Variants in MAGOH observed in about 807,000 individuals in gnomAD.
MAGOH encodes the protein mago homolog, exon junction complex subunit.
Under a neutral mutation model 20.9 loss-of-function variants are expected in MAGOH, and 3 were observed. The observed-to-expected ratio is 0.14, with a 90% confidence interval of 0.07 to 0.37. The LOEUF is 0.37. Ranked by LOEUF, MAGOH falls within the 10% of genes least tolerant of loss-of-function variation. MAGOH has a pLI of 1.00. For missense variants in MAGOH, 66 were observed against 178.1 expected, an observed-to-expected ratio of 0.37 and a Z score of 3.58; for synonymous variants, 51 against 61.0, an observed-to-expected ratio of 0.84 and a Z score of 0.76.
chr1:53,234,280 G>C (rs1258780769), intron 2 of MAGOH, among the ~76,000 whole-genome samples: 1 of 151,900 alleles, frequency 6.6e-6, no homozygotes. Flanking sequence ...CCAAAATTGT[G>C]AGAAATATAT....
chr1:53,227,034 C>CAAA lies in MAGOH; in HGVS notation c.*10_*11insTTT. 8 of 1,380,164 alleles carry CAAA rather than the reference C, an allele frequency of 5.8e-6. No individual in the cohort carries two copies. The highest frequency in any genetic ancestry group is 7.0e-6 in the Non-Finnish European group (7 of 996,912). 85.5% of individuals were successfully genotyped at this position (1,380,164 alleles called of 1,614,324 possible). On this transcript the variant is annotated 3_prime_UTR_variant, in exon 5 of 5. Coordinates refer to ENST00000371470, the MANE Select transcript of MAGOH (RefSeq NM_002370.4). ...TCCCACCCACCCCCCATGTCCACAC[C>CAAA]AATATTCAGTCTAGATTGGTTTAAT...
intron 1 of MAGOH, among the ~76,000 whole-genome samples, chr1:53,235,985 A>C (rs1194957812): frequency 1.3e-5 from 2 of 152,242 alleles, no homozygotes; most frequent in Non-Finnish European, 2.9e-5. Flanking sequence ...GGACCTCCTG[A>C]GGCTCAAATG....
intron 2 of MAGOH, 111 bp downstream of exon 2, chr1:53,235,466 C>G (rs563609857): frequency 3.3e-5 from 29 of 882,792 alleles, no homozygotes; most frequent in South Asian, 3.2e-4. Flanking sequence ...AGACATGTGT[C>G]TCTCTCCCTG....
At chr1:53,232,869 G>C (rs1645592921) in intron 3 of MAGOH, among the ~76,000 whole-genome samples, 1 of 152,210 alleles carries the variant, frequency 6.6e-6, no homozygotes, top group Non-Finnish European at 1.5e-5. Context: ...GGGAGGGTAA[G>C]GCAGGCGGAT....
rs576560771 is a variant in MAGOH at position 53,232,890 on chromosome 1, C to G, written c.258+652G>C. 3.3e-5 allele frequency among the ~76,000 whole-genome samples: 5 copies of G among 152,340 alleles called. No homozygotes were observed. The South Asian group carries it at 1.0e-3, about 32-fold the overall frequency. ...GTAAGGCAGGCGGATCACCTGAGGT[C>G]AGGAGTTTGAGACTAGCCTGGCCAA... On this transcript the variant is annotated intron_variant, in intron 3 of 4. Coordinates refer to ENST00000371470, the MANE Select transcript of MAGOH (RefSeq NM_002370.4).
At position 53,233,655 on chromosome 1, in the gene MAGOH, G is replaced by T; in HGVS notation, c.148-3C>A. The T allele has an allele frequency of 6.3e-7, 1 of 1,591,596 alleles. No homozygotes were observed. The highest frequency in any genetic ancestry group is 1.1e-5 in the South Asian group (1 of 90,242). Reference sequence around the variant, plus strand: ...ATCACGCTTTTATGTACATAAGCCTGAACGCAAGTTAAAAAACAAAATGTA... The same window carrying T: ...ATCACGCTTTTATGTACATAAGCCTTAACGCAAGTTAAAAAACAAAATGTA... On this transcript the variant is annotated splice_region_variant and splice_polypyrimidine_tract_variant and intron_variant, in intron 2 of 4. Coordinates refer to ENST00000371470, the MANE Select transcript of MAGOH (RefSeq NM_002370.4).
chr1:53,233,403 T>C, intron 3 of MAGOH, 139 bp downstream of exon 3: 1 of 580,932 alleles, frequency 1.7e-6, no homozygotes, highest in Non-Finnish European at 3.1e-6. Flanking sequence ...TTATGTTCTA[T>C]TTCTCTTTGT....
Position 53,235,586 on chromosome 1 carries a change from G to C in MAGOH, c.138C>G (p.Ile46Met). The change falls in exon 2 of 5, where the codon ATC (isoleucine) becomes ATG (methionine). Residue 46 changes from isoleucine to methionine, a missense_variant. Transcript: ENST00000371470. ...GGCAGAAGGCTCATACCTCTTTTCT[G>C]ATCATGACATCATTCTTGTAATTGC... ...NNSNYKNDVM[I>M]RKEAYVHKSV... 1 of 1,613,894 alleles carries C rather than the reference G, an allele frequency of 6.2e-7. No homozygotes were observed. The highest frequency in any genetic ancestry group is 8.5e-7 in the Non-Finnish European group (1 of 1,179,860).
Position 53,227,034 on chromosome 1 carries a change from C to T in MAGOH, c.*11G>A. The stretch of plus-strand genomic sequence containing the variant: ...TCCCACCCACCCCCCATGTCCACAC[C>T]AATATTCAGTCTAGATTGGTTTAAT... On this transcript the variant is annotated 3_prime_UTR_variant, in exon 5 of 5. Coordinates refer to ENST00000371470, the MANE Select transcript of MAGOH (RefSeq NM_002370.4). 2 of 1,380,216 alleles carry T rather than the reference C, an allele frequency of 1.4e-6. No homozygotes were observed. The highest frequency in any genetic ancestry group is 2.0e-6 in the Non-Finnish European group (2 of 996,962). 85.5% of individuals were successfully genotyped at this position (1,380,216 alleles called of 1,614,324 possible). A position where few individuals can be genotyped will look rare whatever the true frequency, so the allele number is the denominator to read the frequency against.
At chr1:53,230,189 T>A (rs1645579298) in intron 3 of MAGOH, among the ~76,000 whole-genome samples, 1 of 152,246 alleles carries the variant, frequency 6.6e-6, no homozygotes, top group Non-Finnish European at 1.5e-5. Flanking sequence ...TGAGGCCTAT[T>A]TACTTTTTCT....
At chr1:53,233,346 C>A in intron 3 of MAGOH, 196 bp downstream of exon 3, 1 of 474,518 alleles carries the variant, frequency 2.1e-6, no homozygotes, top group South Asian at 3.4e-5. Flanking sequence ...TAAATACATA[C>A]ACTGAATTAT....
chr1:53,228,846 T>C (rs1572395465), intron 4 of MAGOH, 26 bp downstream of exon 4: 2 of 1,528,382 alleles, frequency 1.3e-6, no homozygotes, highest in Non-Finnish European at 1.8e-6. Flanking sequence ...CAGACACAAC[T>C]GGATATAAGG....
intron 1 of MAGOH, among the ~76,000 whole-genome samples, chr1:53,237,610 G>A (rs868010337): frequency 1.4e-5 from 2 of 141,202 alleles, no homozygotes; most frequent in African/African-American, 5.3e-5. Flanking sequence ...GGAGGCGGAG[G>A]TTGCAATAAG....
At chr1:53,227,374 A>G (rs1400185230) in intron 4 of MAGOH, among the ~76,000 whole-genome samples, 1 of 152,228 alleles carries the variant, frequency 6.6e-6, no homozygotes, top group Non-Finnish European at 1.5e-5. Context: ...GTATTAATGC[A>G]TAGAATAAAT....
At chr1:53,237,273 A>G (rs1231742771) in intron 1 of MAGOH, among the ~76,000 whole-genome samples, 1 of 151,590 alleles carries the variant, frequency 6.6e-6, no homozygotes, top group East Asian at 2.0e-4. Context: ...TGTCTTGACA[A>G]CTGCAACAGT....
At position 53,227,000 on chromosome 1, in the gene MAGOH, A is replaced by G; in HGVS notation, c.*45T>C. The G allele has an allele frequency of 9.7e-7, 1 of 1,034,892 alleles. No individual in the cohort carries two copies. Among genetic ancestry groups the G allele is most frequent in the Non-Finnish European group, 1.4e-6 (1 of 693,732 alleles). The allele number at this position is 1,034,892 out of a possible 1,614,324, so 64.1% of individuals were successfully genotyped here. On this transcript the variant is annotated 3_prime_UTR_variant, in exon 5 of 5. Transcript: ENST00000371470. ...AAAATACTGCCCTGATATACACAAA[A>G]TTTTCTACTCCCACCCACCCCCCAT... is the stretch of plus-strand genomic sequence containing the variant.
intron 3 of MAGOH, chr1:53,233,126 A>G (rs2100305762): frequency 6.5e-6 from 1 of 154,590 alleles, no homozygotes; most frequent in East Asian, 1.9e-4. Context: ...AATAAATCAC[A>G]CTGGCTTTCA....
intron 4 of MAGOH, 41 bp from the exon 5 acceptor site, chr1:53,227,185 G>C: frequency 8.8e-7 from 1 of 1,135,272 alleles, no homozygotes; most frequent in Non-Finnish European, 1.3e-6. Context: ...TTAAAACTTT[G>C]ACCCATCAAG....
Position 53,227,155 on chromosome 1 carries a change from A to G in MAGOH, c.342-11T>C, listed in dbSNP as rs1374567898. ...AAGCCTTCTGGATCCCTAAAATACA[A>G]AAGGAAAAAAGTTTAGGCATTAAAA... On this transcript the variant is annotated splice_polypyrimidine_tract_variant and intron_variant, in intron 4 of 4. Transcript: ENST00000371470. 6.5e-7 allele frequency: 1 copy of G among 1,527,362 alleles called. No homozygotes were observed. Among genetic ancestry groups the G allele is most frequent in the Non-Finnish European group, 8.9e-7 (1 of 1,123,690 alleles). The allele number at this position is 1,527,362 out of a possible 1,614,324, so 94.6% of individuals were successfully genotyped here.
Sources: allele counts gnomAD v4.1 joint callset (sites outside exome capture counted in the v4.1 genomes callset), GRCh38; gene constraint gnomAD v4.1.1; transcripts MANE v1.5; gene names NCBI Gene and HGNC (gene_info 2026-07-23, HGNC 2026-07-21).